SYT14: variants seen among roughly 807,000 people sequenced by gnomAD.
SYT14 encodes the protein synaptotagmin 14.
SYT14 carries 32 observed loss-of-function variants against 74.2 expected under a neutral mutation model. That is an observed-to-expected ratio of 0.43 (90% CI 0.33 to 0.58). SYT14 has a LOEUF of 0.58. SYT14 is among the 20% of genes least tolerant of loss of function. The pLI, the probability that SYT14 is intolerant of heterozygous loss-of-function variation, is 0.05. For synonymous variants in SYT14, 298 were observed against 337.7 expected, an observed-to-expected ratio of 0.88 and a Z score of 1.29; for missense variants, 791 against 981.8, an observed-to-expected ratio of 0.81 and a Z score of 2.60.
chr1:210,099,935 A>C, intron 6 of SYT14, 77 bp from the exon 6 acceptor site: 1 of 1,345,332 alleles, frequency 7.4e-7, no homozygotes, highest in Non-Finnish European at 1.0e-6. Context: ...TCTTCTAAAG[A>C]AATATCAAGT....
chr1:210,167,291 A>T (rs2083466026), exon 10 of SYT14: 1 of 152,146 alleles, frequency 6.6e-6, no homozygotes, highest in Non-Finnish European at 1.5e-5. Flanking sequence ...TTGTCATCAC[A>T]CTCATCAGAT....
At chr1:210,050,005 C>T (rs912987730) in intron 5 of SYT14, among the ~76,000 whole-genome samples, 3 of 152,182 alleles carry the variant, frequency 2.0e-5, no homozygotes, top group Non-Finnish European at 4.4e-5. Context: ...TGAGTTTTAA[C>T]GTTTGGTTCC....
intron 5 of SYT14, among the ~76,000 whole-genome samples, chr1:210,025,953 A>C: frequency 6.6e-6 from 1 of 152,190 alleles, no homozygotes; most frequent in Admixed American, 6.5e-5. Context: ...ATTTCATACA[A>C]GATGAATCCC....
At chr1:210,084,218 T>C (rs1170552822) in intron 5 of SYT14, among the ~76,000 whole-genome samples, 3 of 152,200 alleles carry the variant, frequency 2.0e-5, no homozygotes, top group Non-Finnish European at 4.4e-5. Context: ...GCTATTAGCT[T>C]TTTAGTTTAC....
chr1:210,044,507 T>G (rs762047082), intron 5 of SYT14, among the ~76,000 whole-genome samples: 5 of 152,206 alleles, frequency 3.3e-5, no homozygotes, highest in Non-Finnish European at 7.3e-5. Flanking sequence ...GCCATAGGAA[T>G]CTTGTTTCAG....
intron 5 of SYT14, among the ~76,000 whole-genome samples, chr1:210,065,388 T>A (rs1572238858): frequency 6.6e-6 from 1 of 152,040 alleles, no homozygotes; most frequent in African/African-American, 2.4e-5. Context: ...TTCTCCCTTT[T>A]GTTTGGCACT....
chr1:210,072,455 A>G (rs2081412575), intron 5 of SYT14, among the ~76,000 whole-genome samples: 1 of 152,004 alleles, frequency 6.6e-6, no homozygotes, highest in Non-Finnish European at 1.5e-5. Flanking sequence ...ACTGTTAGAA[A>G]TAGTATGGGC....
intron 7 of SYT14, among the ~76,000 whole-genome samples, chr1:210,138,695 ATTAT>A (rs1316203998): frequency 6.6e-6 from 1 of 152,166 alleles, no homozygotes. Context: ...GGTAGTTTTA[ATTAT>A]TTGCATAAAA....
At chr1:210,162,047 CTG>C (rs1206998014) in exon 10 of SYT14, 17 of 446,648 alleles carry the variant, frequency 3.8e-5, no homozygotes, top group Non-Finnish European at 7.2e-5. Flanking sequence ...AAATAAGAAA[CTG>C]TTCTCTCTCT....
intron 7 of SYT14, among the ~76,000 whole-genome samples, chr1:210,147,997 G>A (rs2083075927): frequency 1.3e-5 from 2 of 152,034 alleles, no homozygotes; most frequent in African/African-American, 2.4e-5. Context: ...CCATGATTGA[G>A]GAGTAAAGTA....
At chr1:209,947,988 A>T (rs1323616224) in intron 1 of SYT14, among the ~76,000 whole-genome samples, 3 of 152,202 alleles carry the variant, frequency 2.0e-5, no homozygotes, top group Admixed American at 1.3e-4. Context: ...GCAATAAATT[A>T]TTTTTAAATT....
intron 1 of SYT14, among the ~76,000 whole-genome samples, chr1:209,943,534 AAAAGAG>A (rs2078771842): frequency 6.6e-6 from 1 of 151,154 alleles, no homozygotes; most frequent in Non-Finnish European, 1.5e-5. Context: ...AAAAAAAAAA[AAAAGAG>A]AATGCAGCAG....
chr1:210,116,317 T>TA (rs2082360211), intron 7 of SYT14, among the ~76,000 whole-genome samples: 1 of 152,132 alleles, frequency 6.6e-6, no homozygotes, highest in South Asian at 2.1e-4. Context: ...CAGCTAATCT[T>TA]ATATTATTGA....
At position 210,155,921 on chromosome 1, in the gene SYT14, A is replaced by G; in HGVS notation, c.2224+11A>G. 1 of 1,613,844 alleles carries G rather than the reference A, an allele frequency of 6.2e-7. No individual in the cohort carries two copies. The highest frequency in any genetic ancestry group is 8.5e-7 in the Non-Finnish European group (1 of 1,179,812). On this transcript the variant is annotated intron_variant, in intron 8 of 9. Coordinates refer to ENST00000637265, the Ensembl canonical transcript of SYT14. The stretch of plus-strand genomic sequence containing the variant: ...CAAACAGACCACCCAGTGAGTGAAA[A>G]ATAATTTTTTTAATTCTAATGTTTT...
chr1:210,139,141 C>T (rs1451969082), intron 7 of SYT14, among the ~76,000 whole-genome samples: 2 of 149,282 alleles, frequency 1.3e-5, no homozygotes, highest in African/African-American at 4.9e-5. Context: ...GGCTGGAGTG[C>T]GGTGGTGTAA....
At chr1:209,961,798 G>A (rs913148799) in intron 2 of SYT14, among the ~76,000 whole-genome samples, 1 of 151,894 alleles carries the variant, frequency 6.6e-6, no homozygotes, top group African/African-American at 2.4e-5. Flanking sequence ...TCAGTGGTTT[G>A]ACACTCAGGA....
chr1:209,969,562 A>G (rs2079212829), intron 2 of SYT14, among the ~76,000 whole-genome samples: 1 of 138,938 alleles, frequency 7.2e-6, no homozygotes, highest in Non-Finnish European at 1.5e-5. Flanking sequence ...ATCTCGGCTC[A>G]CTGCAACCTC....
chr1:210,148,838 C>T (rs1296751220), intron 7 of SYT14, among the ~76,000 whole-genome samples: 1 of 152,138 alleles, frequency 6.6e-6, no homozygotes, highest in African/African-American at 2.4e-5. Flanking sequence ...TACCTAACTT[C>T]TCTTTCGAGG....
intron 5 of SYT14, among the ~76,000 whole-genome samples, chr1:210,093,369 A>G (rs921815781): frequency 6.6e-6 from 1 of 152,174 alleles, no homozygotes; most frequent in Non-Finnish European, 1.5e-5. Context: ...AAAAGAAAAA[A>G]AAAGATCAGT....
Sources: gnomAD v4.1 joint callset for allele counts (sites outside exome capture counted in the v4.1 genomes callset) on GRCh38, gnomAD v4.1.1 for gene constraint, MANE v1.5 for transcripts, NCBI Gene and HGNC (gene_info 2026-07-23, HGNC 2026-07-21) for gene names.